RTN1: variants seen among roughly 807,000 people sequenced by gnomAD.
RTN1 encodes the protein reticulon 1, also known as reticulon-1.
RTN1 carries 25 observed loss-of-function variants against 65.5 expected under a neutral mutation model. The observed-to-expected ratio is 0.38, with a 90% CI of 0.28 to 0.53. The LOEUF (loss-of-function observed/expected upper bound fraction) is 0.53. RTN1 is among the 20% of genes least tolerant of loss of function. The pLI, the probability that RTN1 is intolerant of heterozygous loss-of-function variation, is 0.79. For synonymous variants in RTN1, 471 were observed against 447.6 expected, an observed-to-expected ratio of 1.05 and a Z score of -0.66; for missense variants, 983 against 1,025.4, an observed-to-expected ratio of 0.96 and a Z score of 0.57.
In RTN1 at chr14:59,750,103, ATATAT is replaced by A. The variant is rs1305388468; in HGVS notation, c.242-3627_242-3623del. Among the ~76,000 whole-genome samples, 272 of 58,380 alleles carry A rather than the reference ATATAT, an allele frequency of 4.7e-3. 3 individuals carry two copies. The highest frequency in any genetic ancestry group is 0.028 in the African/African-American group (248 of 8,880). 38.3% of individuals were successfully genotyped at this position (58,380 alleles called of 152,430 possible). On this transcript the variant is annotated intron_variant, in intron 1 of 8. Transcript: ENST00000267484. ...ATTATAGACATATATATTATATATT[ATATAT>A]TATATATAATATATATTATCTATAA...
At chr14:59,806,733 T>C (rs1440362054) in intron 1 of RTN1, among the ~76,000 whole-genome samples, 1 of 152,232 alleles carries the variant, frequency 6.6e-6, no homozygotes, top group African/African-American at 2.4e-5. Flanking sequence ...TTTCTGTTCC[T>C]GCATCAGTTT....
chr14:59,841,997 G>A (rs921494280), intron 1 of RTN1, among the ~76,000 whole-genome samples: 2 of 151,766 alleles, frequency 1.3e-5, no homozygotes, highest in South Asian at 2.1e-4. Context: ...ATGGTGGTGC[G>A]TGCCTGTAGT....
chr14:59,799,443 C>A (rs1317041818), intron 1 of RTN1, among the ~76,000 whole-genome samples: 1 of 152,238 alleles, frequency 6.6e-6, no homozygotes, highest in East Asian at 1.9e-4. Context: ...AATAAGGCAG[C>A]CAAGAGAACT....
At chr14:59,775,895 G>A (rs775408110) in intron 1 of RTN1, among the ~76,000 whole-genome samples, 20 of 152,086 alleles carry the variant, frequency 1.3e-4, no homozygotes, top group Non-Finnish European at 2.6e-4. Context: ...AGTCTAAACT[G>A]TTCCTCTCAC....
At chr14:59,664,072 GC>G (rs1883310199) in intron 3 of RTN1, among the ~76,000 whole-genome samples, 1 of 152,104 alleles carries the variant, frequency 6.6e-6, no homozygotes, top group African/African-American at 2.4e-5. Flanking sequence ...CAACCGAAAT[GC>G]CCAGCAATGA....
chr14:59,854,254 T>C (rs1165461011), intron 1 of RTN1, among the ~76,000 whole-genome samples: 1 of 152,170 alleles, frequency 6.6e-6, no homozygotes, highest in African/African-American at 2.4e-5. Context: ...AGCCACCGTC[T>C]TCCCCATTCA....
intron 3 of RTN1, among the ~76,000 whole-genome samples, chr14:59,700,238 T>C (rs753827985): frequency 1.3e-5 from 2 of 152,142 alleles, no homozygotes; most frequent in Non-Finnish European, 2.9e-5. Context: ...AAATAGGGCC[T>C]AAATAAATGA....
chr14:59,827,252 A>G (rs1271516), intron 1 of RTN1, among the ~76,000 whole-genome samples: 119,716 of 151,970 alleles, frequency 0.79, 47,448 homozygotes, highest in African/African-American at 0.84. Flanking sequence ...CTAAGTTTTT[A>G]TATTTTTAGT....
chr14:59,830,480 A>G (rs953605449), intron 1 of RTN1, among the ~76,000 whole-genome samples: 6 of 152,224 alleles, frequency 3.9e-5, no homozygotes, highest in African/African-American at 1.4e-4. Context: ...TAAGGTGACT[A>G]TAAGTCAGGG....
chr14:59,799,741 A>C (rs970265668), intron 1 of RTN1, among the ~76,000 whole-genome samples: 1 of 152,162 alleles, frequency 6.6e-6, no homozygotes, highest in African/African-American at 2.4e-5. Flanking sequence ...CCGGGAGGCA[A>C]ACAAAAAATA....
rs970247878 is a variant in RTN1 at position 59,794,122 on chromosome 14, C to T, written c.242-47641G>A. Among the ~76,000 whole-genome samples, 8 of 152,164 alleles carry T rather than the reference C, an allele frequency of 5.3e-5. No individual in the cohort carries two copies. The highest frequency in any genetic ancestry group is 1.9e-4 in the African/African-American group (8 of 41,438). On this transcript the variant is annotated intron_variant, in intron 1 of 8. Transcript: ENST00000267484. The surrounding 1 kb of genome is among the most constrained non-coding windows in gnomAD (Gnocchi z 5.1). ...GATCAGAATGGTACCATCTCCTTTA[C>T]CACAATTACTAATACCCCAAAGATA... is the stretch of plus-strand genomic sequence containing the variant.
rs563353905 is a variant in RTN1, at chr14:59,803,202, C to T, written c.242-56721G>A. Among the ~76,000 whole-genome samples, 2 of 152,262 alleles carry T rather than the reference C, an allele frequency of 1.3e-5. No homozygotes were observed. Among genetic ancestry groups the T allele is most frequent in the Non-Finnish European group, 2.9e-5 (2 of 68,028 alleles). On this transcript the variant is annotated intron_variant, in intron 1 of 8. Coordinates refer to ENST00000267484, the MANE Select transcript of RTN1 (RefSeq NM_021136.3). The surrounding 1 kb of genome is among the most constrained non-coding windows in gnomAD (Gnocchi z 5.6). ...ACACCTGTAATCAGAGTCCCTGGAG[C>T]TTTGATTAGACAGGGAGAGTTGGTT...
At chr14:59,854,575 A>C (rs1050484987) in intron 1 of RTN1, among the ~76,000 whole-genome samples, 1 of 131,936 alleles carries the variant, frequency 7.6e-6, no homozygotes, top group East Asian at 2.5e-4. Context: ...CAGGAGGTGG[A>C]GGCTGCAGTG....
At chr14:59,662,840 C>A (rs1361079867) in intron 3 of RTN1, among the ~76,000 whole-genome samples, 1 of 152,142 alleles carries the variant, frequency 6.6e-6, no homozygotes, top group Non-Finnish European at 1.5e-5. Context: ...GGCCATACTG[C>A]CCAAAGTAAT....
chr14:59,699,406 GA>G (rs1204156719), intron 3 of RTN1, among the ~76,000 whole-genome samples: 5 of 152,042 alleles, frequency 3.3e-5, no homozygotes, highest in Non-Finnish European at 4.4e-5. Context: ...AAGAGGAAAA[GA>G]AACAAAACAA....
At chr14:59,808,388 T>A (rs1021599291) in intron 1 of RTN1, among the ~76,000 whole-genome samples, 1 of 152,244 alleles carries the variant, frequency 6.6e-6, no homozygotes, top group African/African-American at 2.4e-5. Flanking sequence ...TTGGAATCTG[T>A]GCTTCCCAGT....
chr14:59,745,553 T>C (rs975457557), intron 2 of RTN1, among the ~76,000 whole-genome samples, 155 bp downstream of exon 2: 1 of 152,208 alleles, frequency 6.6e-6, no homozygotes, highest in African/African-American at 2.4e-5. Flanking sequence ...TTGAAAACTT[T>C]GAATATTAAT....
chr14:59,700,825 G>A (rs569286256), intron 3 of RTN1, among the ~76,000 whole-genome samples: 10 of 152,232 alleles, frequency 6.6e-5, no homozygotes, highest in South Asian at 4.1e-4. Flanking sequence ...TTTCTTTGAT[G>A]TGACACCAAA....
At chr14:59,843,406 C>A (rs1254968273) in intron 1 of RTN1, among the ~76,000 whole-genome samples, 1 of 152,134 alleles carries the variant, frequency 6.6e-6, no homozygotes, top group Non-Finnish European at 1.5e-5. Context: ...AGGTGTACAT[C>A]CACCAAACTG....
Sources: gnomAD v4.1 joint callset for allele counts (sites outside exome capture counted in the v4.1 genomes callset) on GRCh38, gnomAD v4.1.1 for gene constraint, Gnocchi (gnomAD v3.1) non-coding constraint, MANE v1.5 for transcripts, NCBI Gene and HGNC (gene_info 2026-07-23, HGNC 2026-07-21) for gene names.